UXS1: variants seen among roughly 807,000 people sequenced by gnomAD.
UXS1 encodes UDP-glucuronate decarboxylase 1.
In UXS1, 33 loss-of-function variants were observed where a neutral mutation model predicts 62.6. The ratio of observed to expected loss-of-function variants is 0.53; its 90% CI spans 0.40 to 0.70. UXS1 has a LOEUF of 0.70. UXS1 is among the 30% of genes least tolerant of loss of function. The pLI, the probability that UXS1 is intolerant of heterozygous loss-of-function variation, is 0.00. For synonymous variants in UXS1, 213 were observed against 206.8 expected (o/e 1.03, Z -0.26); for missense variants, 434 against 556.3 (o/e 0.78, Z 2.21).
At chr2:106,107,181 G>A (rs1484364606) in intron 10 of UXS1, among the ~76,000 whole-genome samples, 1 of 152,150 alleles carries the variant, frequency 6.6e-6, no homozygotes, top group Non-Finnish European at 1.5e-5. Flanking sequence ...GCGCACAGAT[G>A]CACCTCTGCT....
intron 8 of UXS1, 91 bp from the exon 9 acceptor site, chr2:106,123,182 G>C: frequency 6.4e-7 from 1 of 1,562,470 alleles, no homozygotes; most frequent in Non-Finnish European, 8.7e-7. Context: ...GGGAACTTCG[G>C]AAAGACCCAT....
At position 106,094,053 on chromosome 2, in the gene UXS1, T is replaced by C. The variant is rs779140829; in HGVS notation, c.1251A>G (p.Ile417Met). 1.2e-6 allele frequency: 2 copies of C among 1,613,062 alleles called. No homozygotes were observed. The highest frequency in any genetic ancestry group is 2.7e-5 in the African/African-American group (2 of 74,872). ...QYIPKPKPAR[I>M]KKGRTRHS is the part of the protein sequence containing the mutation. ...AGCTGTGGCGAGTCCGTCCTTTCTT[T>C]ATTCTGGCAGGCTTTGGTTTGGGGA... is the stretch of plus-strand genomic sequence containing the variant. The change falls in exon 15 of 15, where the codon ATA becomes ATG. Residue 417 changes from isoleucine to methionine, a missense_variant. Transcript: ENST00000283148.
intron 6 of UXS1, among the ~76,000 whole-genome samples, chr2:106,130,965 G>A (rs566762842): frequency 1.1e-3 from 174 of 152,182 alleles, no homozygotes; most frequent in Middle Eastern, 3.4e-3. Flanking sequence ...CGCAGAAGAC[G>A]GGTGATTTCT....
At chr2:106,187,054 A>G (rs1408413231) in intron 1 of UXS1, among the ~76,000 whole-genome samples, 2 of 152,086 alleles carry the variant, frequency 1.3e-5, no homozygotes, top group Non-Finnish European at 2.9e-5. Flanking sequence ...CAAAAAAAGT[A>G]TATATAAAAT....
In UXS1 at chr2:106,162,153, G is replaced by GAC. The variant is rs1416124774; in HGVS notation, c.230+1512_230+1513dup. Among the ~76,000 whole-genome samples the GAC allele has an allele frequency of 2.0e-5, 3 of 152,274 alleles. No homozygotes were observed. In the East Asian group the frequency reaches 5.8e-4, roughly 29 times the overall value. ...ACCTGACTTGCTGACCAACCTGAAGGACGGAACCATTCCAGAATGAGTCAC... is the reference window on the plus strand; with the variant it reads ...ACCTGACTTGCTGACCAACCTGAAGGACACGGAACCATTCCAGAATGAGTCAC... On this transcript the variant is annotated intron_variant, in intron 4 of 14. Transcript: ENST00000283148.
chr2:106,172,207 C>T (rs1352225673), intron 1 of UXS1, among the ~76,000 whole-genome samples: 2 of 152,214 alleles, frequency 1.3e-5, no homozygotes, highest in African/African-American at 2.4e-5. Flanking sequence ...AAAGGCCTGG[C>T]TGGGTGACAA....
intron 1 of UXS1, among the ~76,000 whole-genome samples, chr2:106,167,090 G>A (rs1683260892): frequency 6.6e-6 from 1 of 152,148 alleles, no homozygotes; most frequent in Non-Finnish European, 1.5e-5. Flanking sequence ...TCCTTTGCCT[G>A]TATACAGCTG....
chr2:106,191,325 T>C (rs190519032), intron 1 of UXS1, among the ~76,000 whole-genome samples: 54 of 152,206 alleles, frequency 3.5e-4, no homozygotes, highest in African/African-American at 1.1e-3. Context: ...TTTCAAACAG[T>C]GGTGAGATTT....
chr2:106,150,031 A>T (rs1387163475), intron 5 of UXS1, among the ~76,000 whole-genome samples: 1 of 152,232 alleles, frequency 6.6e-6, no homozygotes, highest in Non-Finnish European at 1.5e-5. Flanking sequence ...CTTGTTACAA[A>T]GTGGCAAAGA....
At chr2:106,127,515 C>T (rs972445741) in intron 7 of UXS1, among the ~76,000 whole-genome samples, 2 of 152,188 alleles carry the variant, frequency 1.3e-5, no homozygotes, top group African/African-American at 4.8e-5. Context: ...GCAGGATCTA[C>T]AGAGACAACT....
chr2:106,096,912 T>C (rs1242053855), intron 13 of UXS1, 91 bp from the exon 14 acceptor site: 1 of 1,269,180 alleles, frequency 7.9e-7, no homozygotes, highest in Non-Finnish European at 1.1e-6. Flanking sequence ...AAACCCCATA[T>C]GTGGTGTGAA....
rs1677276890 is a variant in UXS1 at position 106,098,090 on chromosome 2, C to G, written c.1042+626G>C. On this transcript the variant is annotated intron_variant, in intron 13 of 14. Coordinates refer to ENST00000283148, the MANE Select transcript of UXS1 (RefSeq NM_001253875.2). ...ACCTGCCAGTCTAGTCTGGTTGTGACTTCACTCAAATTTCAGGATCAACCC... is the reference window on the plus strand; with the variant it reads ...ACCTGCCAGTCTAGTCTGGTTGTGAGTTCACTCAAATTTCAGGATCAACCC... Among the ~76,000 whole-genome samples the G allele has an allele frequency of 1.3e-5, 2 of 152,222 alleles. 1 individual carries two copies. The highest frequency in any genetic ancestry group is 4.1e-4 in the South Asian group (2 of 4,838).
At chr2:106,121,063 G>A (rs765916505) in intron 9 of UXS1, among the ~76,000 whole-genome samples, 13 of 152,116 alleles carry the variant, frequency 8.5e-5, no homozygotes, top group Non-Finnish European at 1.6e-4. Context: ...GCTACCTTCC[G>A]GAACCCCCAG....
At chr2:106,129,821 CA>C in intron 6 of UXS1, 43 bp from the exon 7 acceptor site, 6 of 1,305,200 alleles carry the variant, frequency 4.6e-6, no homozygotes, top group Admixed American at 2.3e-5. Context: ...AAAAAAGCAC[CA>C]AAAAAATACT....
At chr2:106,102,384 A>G (rs1677666496) in intron 11 of UXS1, 1 of 152,214 alleles carries the variant, frequency 6.6e-6, no homozygotes, top group Non-Finnish European at 1.5e-5. Flanking sequence ...CTGAGTTGGA[A>G]GAAGGGTGAC....
chr2:106,114,694 A>G (rs949952570), intron 9 of UXS1, among the ~76,000 whole-genome samples: 6 of 152,240 alleles, frequency 3.9e-5, no homozygotes, highest in Admixed American at 3.9e-4. Context: ...TTAAGTGTCC[A>G]ACCCATAAAC....
intron 6 of UXS1, chr2:106,138,530 C>T: frequency 1.0e-6 from 1 of 985,448 alleles, no homozygotes; most frequent in Non-Finnish European, 1.2e-6. Context: ...CTTCCATTTA[C>T]AACAAATACC....
At chr2:106,182,023 T>A (rs940490393) in intron 1 of UXS1, among the ~76,000 whole-genome samples, 21 of 152,334 alleles carry the variant, frequency 1.4e-4, no homozygotes, top group African/African-American at 5.1e-4. Context: ...TGTTAAGAAG[T>A]TTTGTTAGTA....
intron 1 of UXS1, among the ~76,000 whole-genome samples, chr2:106,178,471 C>T (rs1232422145): frequency 6.6e-6 from 1 of 151,242 alleles, no homozygotes; most frequent in Non-Finnish European, 1.5e-5. Flanking sequence ...TATATACATA[C>T]AAGTGTGTGT....
Sources: allele counts gnomAD v4.1 joint callset (sites outside exome capture counted in the v4.1 genomes callset), GRCh38; gene constraint gnomAD v4.1.1; transcripts MANE v1.5; gene names NCBI Gene and HGNC (gene_info 2026-07-23, HGNC 2026-07-21).